RAB3GAP2: variants seen among roughly 807,000 people sequenced by gnomAD.
RAB3GAP2 encodes the protein RAB3 GTPase activating non-catalytic protein subunit 2.
A neutral mutation model predicts 185.3 loss-of-function variants in RAB3GAP2; 87 were observed. That is an observed-to-expected ratio of 0.47 (90% CI 0.39 to 0.56). The LOEUF is 0.56. Ranked by LOEUF, RAB3GAP2 falls within the 20% of genes least tolerant of loss-of-function variation. The probability of loss-of-function intolerance (pLI) is 0.00; values close to 1 mark genes in which losing one functional copy is unlikely to be tolerated. For missense variants in RAB3GAP2, 1,492 were observed against 1,638.2 expected (o/e 0.91, Z 1.54); for synonymous variants, 554 against 576.1 (o/e 0.96, Z 0.55).
intron 21 of RAB3GAP2, among the ~76,000 whole-genome samples, chr1:220,179,781 C>T (rs895093317): frequency 1.3e-5 from 2 of 151,988 alleles, no homozygotes; most frequent in Non-Finnish European, 2.9e-5. Flanking sequence ...GGCAAGGAAG[C>T]AACTAAAAAT....
At chr1:220,209,338 T>C (rs1209135290) in intron 7 of RAB3GAP2, among the ~76,000 whole-genome samples, 1 of 152,200 alleles carries the variant, frequency 6.6e-6, no homozygotes, top group Non-Finnish European at 1.5e-5. Flanking sequence ...TGTTGTTGCA[T>C]ATATAGTTCT....
At chr1:220,249,134 G>A (rs1010809476) in intron 1 of RAB3GAP2, among the ~76,000 whole-genome samples, 1 of 152,172 alleles carries the variant, frequency 6.6e-6, no homozygotes, top group African/African-American at 2.4e-5. Context: ...AACAGGCAGA[G>A]GTTAGAACAG....
chr1:220,193,616 C>T (rs181201054), intron 12 of RAB3GAP2, among the ~76,000 whole-genome samples: 108 of 152,278 alleles, frequency 7.1e-4, no homozygotes, highest in Non-Finnish European at 1.1e-3. Context: ...CAACCCTATA[C>T]CTTTAGAGAA....
intron 9 of RAB3GAP2, among the ~76,000 whole-genome samples, chr1:220,196,603 G>A (rs1239251810): frequency 6.6e-6 from 1 of 152,082 alleles, no homozygotes; most frequent in Non-Finnish European, 1.5e-5. Context: ...GGCCAAGGCA[G>A]TTGGATCACT....
At chr1:220,192,004 G>A (rs1201138943) in intron 13 of RAB3GAP2, among the ~76,000 whole-genome samples, 1 of 152,024 alleles carries the variant, frequency 6.6e-6, no homozygotes, top group South Asian at 2.1e-4. Context: ...TTTTAGGGTG[G>A]TCCCTCACAT....
At chr1:220,163,746 T>TAC (rs1010411549) in intron 27 of RAB3GAP2, among the ~76,000 whole-genome samples, 204 of 109,970 alleles carry the variant, frequency 1.9e-3, no homozygotes, top group African/African-American at 5.4e-3. Flanking sequence ...AATACATACA[T>TAC]ATATATATAT....
rs577447105 is a variant in RAB3GAP2 at position 220,153,794 on chromosome 1, C to T, written c.3645+174G>A. On this transcript the variant is annotated intron_variant, in intron 32 of 34. Transcript: ENST00000358951. ...AGGCCCTGGTGTGTGATGTTCCCCA[C>T]CCTGTGTCCAAGTGTTCTCATTGTT... is the stretch of plus-strand genomic sequence containing the variant. The T allele has an allele frequency of 3.1e-4, 237 of 766,982 alleles. 2 individuals carry two copies. In the South Asian group the frequency reaches 3.9e-3, roughly 13 times the overall value. The allele number at this position is 766,982 out of a possible 1,614,324, so 47.5% of individuals were successfully genotyped here.
At chr1:220,202,513 G>T in intron 8 of RAB3GAP2, 139 bp from the exon 9 acceptor site, 1 of 885,038 alleles carries the variant, frequency 1.1e-6, no homozygotes, top group Non-Finnish European at 1.8e-6. Flanking sequence ...AAGGCATAAG[G>T]TGAGATTTAT....
intron 12 of RAB3GAP2, among the ~76,000 whole-genome samples, chr1:220,194,761 TA>T (rs970519759): frequency 1.3e-4 from 20 of 152,354 alleles, no homozygotes; most frequent in African/African-American, 4.6e-4. Context: ...ACAAACTATC[TA>T]AACTTTTAAA....
At chr1:220,214,208 A>G (rs982738371) in intron 2 of RAB3GAP2, among the ~76,000 whole-genome samples, 17 of 152,226 alleles carry the variant, frequency 1.1e-4, no homozygotes, top group Non-Finnish European at 1.5e-4. Flanking sequence ...AAATTTAAAT[A>G]TAAACAAATA....
chr1:220,181,418 AG>A (rs1158041680), intron 21 of RAB3GAP2, among the ~76,000 whole-genome samples: 1 of 152,178 alleles, frequency 6.6e-6, no homozygotes, highest in Admixed American at 6.5e-5. Flanking sequence ...TGTAGGGGAT[AG>A]GTAATAACAA....
At chr1:220,252,337 C>T (rs1659948990) in intron 1 of RAB3GAP2, among the ~76,000 whole-genome samples, 1 of 151,778 alleles carries the variant, frequency 6.6e-6, no homozygotes, top group African/African-American at 2.4e-5. Context: ...ATAAAATTCC[C>T]AATTAGCTTG....
chr1:220,235,639 G>T (rs1351092013), intron 1 of RAB3GAP2, among the ~76,000 whole-genome samples: 1 of 152,166 alleles, frequency 6.6e-6, no homozygotes, highest in African/African-American at 2.4e-5. Flanking sequence ...AGCTTAGTTT[G>T]TGTACATAAC....
chr1:220,164,746 T>C lies in RAB3GAP2; in HGVS notation c.3141A>G (p.Ala1047=). 6.2e-7 allele frequency: 1 copy of C among 1,606,306 alleles called. No homozygotes were observed. ...CTGTTTACTTACCATTTTGAACATG[T>C]GCATTAAATATTTGCTTCAAGTGTT... The part of the protein sequence containing the change: ...SIEHLKQIFN[A]HVQNGIALMM... Residue 1047 remains alanine, a synonymous_variant, in exon 27 of 35, where the codon GCA becomes GCG. Coordinates refer to ENST00000358951, the MANE Select transcript of RAB3GAP2 (RefSeq NM_012414.4).
intron 2 of RAB3GAP2, among the ~76,000 whole-genome samples, chr1:220,230,879 T>C (rs575281384): frequency 9.1e-4 from 139 of 152,320 alleles, no homozygotes; most frequent in Non-Finnish European, 1.6e-3. Flanking sequence ...CTCTCATCCT[T>C]CATAACCAGC....
At chr1:220,160,155 T>G (rs895510328) in intron 28 of RAB3GAP2, among the ~76,000 whole-genome samples, 1 of 152,180 alleles carries the variant, frequency 6.6e-6, no homozygotes, top group Non-Finnish European at 1.5e-5. Context: ...CTAAAGCACA[T>G]GGGAGTTATA....
intron 2 of RAB3GAP2, among the ~76,000 whole-genome samples, chr1:220,214,611 T>G (rs1171296921): frequency 6.6e-6 from 1 of 151,992 alleles, no homozygotes; most frequent in Non-Finnish European, 1.5e-5. Context: ...TACAAAGAGA[T>G]AGCTAGACAG....
chr1:220,204,998 G>T (rs1400302710), intron 8 of RAB3GAP2, among the ~76,000 whole-genome samples: 1 of 151,780 alleles, frequency 6.6e-6, no homozygotes, highest in African/African-American at 2.4e-5. Flanking sequence ...GTCTATTGTT[G>T]TTGGACATTT....
chr1:220,267,512 C>A, intron 1 of RAB3GAP2: 1 of 1,408,038 alleles, frequency 7.1e-7, no homozygotes, highest in Non-Finnish European at 1.0e-6. Flanking sequence ...GGAGGGCGAC[C>A]AATTTCAAGG....
Sources: allele counts gnomAD v4.1 joint callset (sites outside exome capture counted in the v4.1 genomes callset), GRCh38; gene constraint gnomAD v4.1.1; transcripts MANE v1.5; gene names NCBI Gene and HGNC (gene_info 2026-07-23, HGNC 2026-07-21).